Variants in NCAPD3 observed in about 807,000 individuals in gnomAD.
NCAPD3 encodes the protein non-SMC condensin II complex subunit D3, also known as condensin-2 complex subunit D3.
In NCAPD3, 105 loss-of-function variants were observed where a neutral mutation model predicts 182.9. That is an observed-to-expected ratio of 0.57 (90% confidence interval 0.49 to 0.68). The LOEUF (loss-of-function observed/expected upper bound fraction) is 0.68, where lower values mean the gene tolerates loss of function less well. NCAPD3 is among the 30% of genes least tolerant of loss of function. NCAPD3 has a pLI of 0.00. For synonymous variants in NCAPD3, 815 were observed against 679.9 expected (o/e 1.20, Z -3.09); for missense variants, 1,944 against 1,837.0 (o/e 1.06, Z -1.07).
intron 27 of NCAPD3, among the ~76,000 whole-genome samples, chr11:134,162,328 T>A (rs549977301): frequency 9.2e-5 from 14 of 152,216 alleles, no homozygotes; most frequent in African/African-American, 2.9e-4. Context: ...GGGACAATGG[T>A]CTAAAAATGG....
chr11:134,193,348 G>C (rs1194768940), intron 15 of NCAPD3, among the ~76,000 whole-genome samples: 1 of 152,216 alleles, frequency 6.6e-6, no homozygotes, highest in Admixed American at 6.5e-5. Context: ...GTACTTGTGA[G>C]TCTGCTTTTT....
At chr11:134,189,974 T>A (rs1458391197) in intron 16 of NCAPD3, among the ~76,000 whole-genome samples, 1 of 152,238 alleles carries the variant, frequency 6.6e-6, no homozygotes, top group African/African-American at 2.4e-5. Flanking sequence ...GGTTTTTATA[T>A]CCAAAGATTT....
chr11:134,155,582 C>A (rs976162191), intron 32 of NCAPD3, among the ~76,000 whole-genome samples: 1 of 152,204 alleles, frequency 6.6e-6, no homozygotes, highest in African/African-American at 2.4e-5. Flanking sequence ...ACCCTCCACG[C>A]CAGGCTGCCC....
chr11:134,225,088 G>T, upstream of NCAPD3: 2 of 1,560,486 alleles, frequency 1.3e-6, no homozygotes, highest in Non-Finnish European at 1.7e-6. Flanking sequence ...GCGAGGGAGC[G>T]GTCCTTACCG....
intron 7 of NCAPD3, among the ~76,000 whole-genome samples, chr11:134,207,754 A>C (rs1195127273): frequency 1.3e-5 from 2 of 151,612 alleles, no homozygotes; most frequent in East Asian, 1.9e-4. Flanking sequence ...AAAAAAAAAA[A>C]AAAAAAAAAA....
intron 3 of NCAPD3, 62 bp from the exon 4 acceptor site, chr11:134,210,516 C>A: frequency 7.0e-7 from 1 of 1,426,282 alleles, no homozygotes; most frequent in Non-Finnish European, 9.7e-7. Flanking sequence ...ATATCTATAA[C>A]ATCAGATGAA....
intron 28 of NCAPD3, 60 bp downstream of exon 28, chr11:134,161,721 A>G (rs1591822375): frequency 9.9e-7 from 1 of 1,009,562 alleles, no homozygotes; most frequent in Non-Finnish European, 1.5e-6. Context: ...TAACTGGCAG[A>G]AGATCCTAAG....
At position 134,216,985 on chromosome 11, in the gene NCAPD3, T is replaced by C; in HGVS notation, c.333A>G (p.Glu111=). 1 of 1,613,864 alleles carries C rather than the reference T, an allele frequency of 6.2e-7. No homozygotes were observed. ...HKKNVSVQYR[E]YGLHAAGLYF... is the part of the protein sequence containing the mutation. ...AAAGCCCAGCGGCATGAAGGCCATATTCTCGATACTGTACACTGACATTCT... is the reference window on the plus strand; with the variant it reads ...AAAGCCCAGCGGCATGAAGGCCATACTCTCGATACTGTACACTGACATTCT... The change falls in exon 3 of 35, where the codon GAA becomes GAG. Residue 111 remains glutamate (E), a synonymous_variant. Coordinates refer to ENST00000534548, the MANE Select transcript of NCAPD3 (RefSeq NM_015261.3).
chr11:134,154,853 T>C (rs1320385983), intron 32 of NCAPD3, among the ~76,000 whole-genome samples: 1 of 152,250 alleles, frequency 6.6e-6, no homozygotes, highest in Non-Finnish European at 1.5e-5. Flanking sequence ...GTGTACCCGA[T>C]GGCTACTTGA....
At chr11:134,162,937 G>A (rs936744701) in intron 27 of NCAPD3, among the ~76,000 whole-genome samples, 1 of 152,194 alleles carries the variant, frequency 6.6e-6, no homozygotes, top group Non-Finnish European at 1.5e-5. Flanking sequence ...ATGGCCATCT[G>A]ATGGATGATC....
At chr11:134,206,526 A>T in intron 8 of NCAPD3, 73 bp downstream of exon 8, 6 of 1,567,076 alleles carry the variant, frequency 3.8e-6, no homozygotes, top group Non-Finnish European at 5.2e-6. Context: ...TACATGTATC[A>T]GAAATCTTAG....
At chr11:134,179,975 A>G (rs978074053) in intron 20 of NCAPD3, among the ~76,000 whole-genome samples, 1 of 151,768 alleles carries the variant, frequency 6.6e-6, no homozygotes, top group African/African-American at 2.4e-5. Flanking sequence ...ACCTCTCCAT[A>G]TATATTTTGA....
chr11:134,218,461 TCTA>T lies in NCAPD3; in HGVS notation c.220-1366_220-1364del, dbSNP rs375465209. ...CTCTTCTCTCTCCTGGTCTCACATT[TCTA>T]CTACCTGTTAAACTTCCCAAGGATC... is the stretch of plus-strand genomic sequence containing the variant. On this transcript the variant is annotated intron_variant, in intron 2 of 34. Coordinates refer to ENST00000534548, the MANE Select transcript of NCAPD3 (RefSeq NM_015261.3). Among the ~76,000 whole-genome samples, 221 of 152,304 alleles carry T rather than the reference TCTA, an allele frequency of 1.5e-3. 1 individual carries two copies. The highest frequency in any genetic ancestry group is 4.9e-3 in the African/African-American group (204 of 41,558).
intron 1 of NCAPD3, chr11:134,223,478 G>A (rs1340246725): frequency 4.3e-6 from 3 of 702,404 alleles, no homozygotes; most frequent in Non-Finnish European, 5.2e-6. Context: ...GACATCCAGT[G>A]GAACCTATGA....
chr11:134,158,157 C>T (rs969683569), intron 30 of NCAPD3, 90 bp from the exon 31 acceptor site: 17 of 1,532,482 alleles, frequency 1.1e-5, no homozygotes, highest in African/African-American at 5.5e-5. Context: ...TGCCTCCTCA[C>T]CGGCGCATCC....
At chr11:134,154,519 G>A (rs1943362251) in intron 32 of NCAPD3, among the ~76,000 whole-genome samples, 1 of 101,908 alleles carries the variant, frequency 9.8e-6, no homozygotes, top group African/African-American at 4.3e-5. Context: ...ATGCCACCCT[G>A]TCTTGGAGGC....
intron 16 of NCAPD3, chr11:134,185,826 T>G (rs919129324): frequency 1.6e-4 from 32 of 204,930 alleles, no homozygotes; most frequent in African/African-American, 7.2e-4. Flanking sequence ...CCTCCAAAAT[T>G]TCTACATAAC....
At chr11:134,172,182 GCTCT>G (rs1214177224) in intron 24 of NCAPD3, among the ~76,000 whole-genome samples, 1 of 152,108 alleles carries the variant, frequency 6.6e-6, no homozygotes, top group Non-Finnish European at 1.5e-5. Flanking sequence ...TGCCTCTTGC[GCTCT>G]CTGCTACCTG....
chr11:134,171,414 T>A (rs1369627216), intron 24 of NCAPD3, among the ~76,000 whole-genome samples: 1 of 152,168 alleles, frequency 6.6e-6, no homozygotes, highest in African/African-American at 2.4e-5. Flanking sequence ...TCAGCTTTAG[T>A]AGGAAACATA....
Sources: allele counts gnomAD v4.1 joint callset (sites outside exome capture counted in the v4.1 genomes callset), GRCh38; gene constraint gnomAD v4.1.1; transcripts MANE v1.5; gene names NCBI Gene and HGNC (gene_info 2026-07-23, HGNC 2026-07-21).